Variants in CNTNAP4 observed in about 807,000 individuals in gnomAD.
CNTNAP4 encodes contactin associated protein family member 4.
A neutral mutation model predicts 148.4 loss-of-function variants in CNTNAP4; 98 were observed. That is an observed-to-expected ratio of 0.66 (90% confidence interval 0.56 to 0.78). The LOEUF is 0.78. Among genes scored for constraint, CNTNAP4 ranks in the 30% least tolerant of loss-of-function variants. The pLI is 0.00. For synonymous variants in CNTNAP4, 730 were observed against 565.1 expected (o/e 1.29, Z -4.14); for missense variants, 1,935 against 1,565.6 (o/e 1.24, Z -3.98).
Position 76,289,077 on chromosome 16 carries a change from AAAATTTATAGC to A in CNTNAP4, c.85+11335_85+11345del, listed in dbSNP as rs1445700793. 2.0e-5 allele frequency among the ~76,000 whole-genome samples: 3 copies of A among 152,280 alleles called. No homozygotes were observed. In the East Asian group the frequency reaches 5.8e-4, roughly 29 times the overall value. ...CCTTTCCCTCTCACCTTTTAAAAAA[AAAATTTATAGC>A]AAATGTAATTTGATAGGCCACTACA... On this transcript the variant is annotated intron_variant, in intron 1 of 23. Coordinates refer to ENST00000611870, the MANE Select transcript of CNTNAP4 (RefSeq NM_033401.5).
Position 76,553,460 on chromosome 16 carries a change from GCAC to G in CNTNAP4, c.3621_3623del (p.Thr1208del), listed in dbSNP as rs772924074. The G allele has an allele frequency of 1.2e-6, 2 of 1,612,428 alleles. No homozygotes were observed. Among genetic ancestry groups the G allele is most frequent in the Non-Finnish European group, 1.7e-6 (2 of 1,179,290 alleles). On this transcript the variant is annotated inframe_deletion, in exon 22 of 24. Coordinates refer to ENST00000611870, the MANE Select transcript of CNTNAP4 (RefSeq NM_033401.5). ...GAGTCCAGCTGTATGGCCCAGCCTGGCACTGATGCCACATCAAGGGAAAGGACA... is the reference window on the plus strand; with the variant it reads ...GAGTCCAGCTGTATGGCCCAGCCTGGTGATGCCACATCAAGGGAAAGGACA...
rs76634751 is a variant in CNTNAP4 at position 76,372,372 on chromosome 16, T to A, written c.390+16861T>A. Among the ~76,000 whole-genome samples, 425 of 151,822 alleles carry A rather than the reference T, an allele frequency of 2.8e-3. 9 individuals are homozygous for A. The highest frequency in any genetic ancestry group is 0.021 in the East Asian group (109 of 5,142). ...ACTGTGTTAGCCAGGATGGTCTCGA[T>A]TTCCTGACCTCGTGATCTGCCCGCC... On this transcript the variant is annotated intron_variant, in intron 3 of 23. Coordinates refer to ENST00000611870, the MANE Select transcript of CNTNAP4 (RefSeq NM_033401.5).
chr16:76,280,653 A>G (rs985825788), intron 1 of CNTNAP4, among the ~76,000 whole-genome samples: 2 of 152,114 alleles, frequency 1.3e-5, no homozygotes, highest in African/African-American at 4.8e-5. Flanking sequence ...CATCAAGATG[A>G]GCTTTTACAA....
intron 14 of CNTNAP4, among the ~76,000 whole-genome samples, chr16:76,495,391 C>T (rs1008819633): frequency 1.3e-5 from 2 of 151,980 alleles, no homozygotes; most frequent in African/African-American, 4.8e-5. Context: ...AATATGTTTA[C>T]AGCCAAAGCA....
intron 2 of CNTNAP4, among the ~76,000 whole-genome samples, chr16:76,337,994 C>T (rs1289576465): frequency 6.6e-6 from 1 of 152,190 alleles, no homozygotes. Flanking sequence ...TGTTCAAACA[C>T]ACATGTTTTA....
intron 2 of CNTNAP4, among the ~76,000 whole-genome samples, chr16:76,339,395 CACTT>C (rs1964282000): frequency 6.6e-6 from 1 of 151,976 alleles, no homozygotes; most frequent in Admixed American, 6.6e-5. Flanking sequence ...AAACTTTAAA[CACTT>C]AATCTAAACA....
At chr16:76,405,326 TAAAAC>T (rs2078564823) in intron 3 of CNTNAP4, among the ~76,000 whole-genome samples, 1 of 152,130 alleles carries the variant, frequency 6.6e-6, no homozygotes, top group African/African-American at 2.4e-5. Context: ...CTAAGTAAAA[TAAAAC>T]AGGGAATTGC....
chr16:76,509,030 C>T lies in CNTNAP4; in HGVS notation c.2365+10336C>T, dbSNP rs1379391415. ...CCTCCCAAAGTGCTGGGATTACAGG[C>T]GTGAGCCACCGTGCCTGGCCAAAAT... On this transcript the variant is annotated intron_variant, in intron 15 of 23. Coordinates refer to ENST00000611870, the MANE Select transcript of CNTNAP4 (RefSeq NM_033401.5). Among the ~76,000 whole-genome samples the T allele has an allele frequency of 3.1e-5, 3 of 97,282 alleles. 1 individual carries two copies. The highest frequency in any genetic ancestry group is 8.3e-4 in the South Asian group (2 of 2,418). The allele number at this position is 97,282 out of a possible 152,430, so 63.8% of individuals were successfully genotyped here. A position where few individuals can be genotyped will look rare whatever the true frequency, so the allele number is the denominator to read the frequency against.
intron 21 of CNTNAP4, among the ~76,000 whole-genome samples, chr16:76,541,016 C>T (rs2084429840): frequency 6.6e-6 from 1 of 152,110 alleles, no homozygotes; most frequent in South Asian, 2.1e-4. Context: ...TCACTCTGGT[C>T]TCAGTCCTGT....
chr16:76,434,594 C>A, intron 4 of CNTNAP4, among the ~76,000 whole-genome samples: 1 of 152,314 alleles, frequency 6.6e-6, no homozygotes, highest in Middle Eastern at 3.4e-3. Flanking sequence ...GTGGGAATCA[C>A]CACCCCTGCA....
intron 3 of CNTNAP4, among the ~76,000 whole-genome samples, chr16:76,357,081 A>ACACC (rs1219467187): frequency 2.0e-4 from 30 of 150,942 alleles, no homozygotes; most frequent in African/African-American, 6.1e-4. Flanking sequence ...ACACACACAC[A>ACACC]CCCCAAACTC....
At chr16:76,537,004 T>C (rs1384828771) in intron 18 of CNTNAP4, among the ~76,000 whole-genome samples, 3 of 152,202 alleles carry the variant, frequency 2.0e-5, no homozygotes, top group Non-Finnish European at 2.9e-5. Context: ...AAATGCTCTT[T>C]TCAAGTCATC....
intron 1 of CNTNAP4, among the ~76,000 whole-genome samples, chr16:76,297,187 G>A (rs1221637812): frequency 1.2e-4 from 18 of 152,104 alleles, no homozygotes; most frequent in Admixed American, 9.2e-4. Flanking sequence ...TTTAATTGAT[G>A]GCACTGTTTA....
chr16:76,476,578 T>C (rs2081590071), intron 11 of CNTNAP4, among the ~76,000 whole-genome samples: 1 of 152,196 alleles, frequency 6.6e-6, no homozygotes, highest in Non-Finnish European at 1.5e-5. Flanking sequence ...AATGTATTTC[T>C]CACCATTCTG....
chr16:76,323,883 T>G (rs1962692778), intron 2 of CNTNAP4, among the ~76,000 whole-genome samples: 1 of 152,190 alleles, frequency 6.6e-6, no homozygotes, highest in African/African-American at 2.4e-5. Context: ...TAGATTATAA[T>G]ACTAAATTGT....
At chr16:76,553,800 A>C (rs747922773) in intron 22 of CNTNAP4, 36 bp from the exon 23 acceptor site, 10 of 1,397,432 alleles carry the variant, frequency 7.2e-6, no homozygotes, top group Non-Finnish European at 1.0e-5. Context: ...TTACTTGCCT[A>C]TATCACCTTC....
intron 11 of CNTNAP4, 58 bp from the exon 12 acceptor site, chr16:76,479,361 T>TA: frequency 6.9e-7 from 1 of 1,449,756 alleles, no homozygotes; most frequent in Non-Finnish European, 9.3e-7. Context: ...ATGTCCAAAT[T>TA]AAAAGTTAAG....
At chr16:76,373,819 C>T (rs1275575863) in intron 3 of CNTNAP4, among the ~76,000 whole-genome samples, 2 of 146,508 alleles carry the variant, frequency 1.4e-5, no homozygotes, top group Middle Eastern at 3.4e-3. Context: ...CACTTGAACT[C>T]GGGAGGTGGA....
intron 3 of CNTNAP4, among the ~76,000 whole-genome samples, chr16:76,378,196 G>T (rs922507108): frequency 5.3e-5 from 8 of 152,114 alleles, no homozygotes; most frequent in African/African-American, 1.9e-4. Context: ...CACTATTCAG[G>T]TGATGGGGAC....
Sources: allele counts gnomAD v4.1 joint callset (sites outside exome capture counted in the v4.1 genomes callset), GRCh38; gene constraint gnomAD v4.1.1; transcripts MANE v1.5; gene names NCBI Gene and HGNC (gene_info 2026-07-23, HGNC 2026-07-21).